Variants in STK3 observed in about 807,000 individuals in gnomAD.
The protein encoded by STK3 is serine/threonine kinase 3.
Under a neutral mutation model 58.0 loss-of-function variants are expected in STK3, and 41 were observed. The ratio of observed to expected loss-of-function variants is 0.71; its 90% confidence interval spans 0.55 to 0.92. The LOEUF is 0.92. Among genes scored for constraint, STK3 ranks in the 40% least tolerant of loss-of-function variants. The pLI is 0.00. For synonymous variants in STK3, 170 were observed against 191.0 expected (o/e 0.89, Z 0.91); for missense variants, 479 against 602.7 (o/e 0.79, Z 2.15).
At chr8:98,426,014 T>C (rs773640851) in intron 3 of STK3, among the ~76,000 whole-genome samples, 27 of 152,052 alleles carry the variant, frequency 1.8e-4, no homozygotes, top group Non-Finnish European at 2.9e-4. Flanking sequence ...CTCAGCCCAG[T>C]AGGCAGGGCC....
intron 6 of STK3, chr8:98,598,207 C>T (rs2130008890): frequency 9.1e-6 from 9 of 985,326 alleles, no homozygotes; most frequent in Non-Finnish European, 1.1e-5. Flanking sequence ...GAAGCCAATG[C>T]TCTCCTTTGA....
intron 2 of STK3, among the ~76,000 whole-genome samples, chr8:98,375,651 T>C (rs1426613992): frequency 6.6e-6 from 1 of 152,192 alleles, no homozygotes; most frequent in Non-Finnish European, 1.5e-5. Context: ...AATGGAATCA[T>C]GTACTATGTA....
chr8:98,415,371 C>T (rs550154799), intron 3 of STK3, among the ~76,000 whole-genome samples: 3 of 152,292 alleles, frequency 2.0e-5, no homozygotes, highest in East Asian at 3.9e-4. Context: ...CATGACTGAG[C>T]CACGATACTT....
At chr8:98,487,358 G>A (rs760280516) in intron 10 of STK3, among the ~76,000 whole-genome samples, 5 of 152,188 alleles carry the variant, frequency 3.3e-5, no homozygotes, top group Admixed American at 1.3e-4. Context: ...CATACAATGT[G>A]CATGCACTTA....
chr8:98,703,611 C>T (rs1298518046), intron 6 of STK3, among the ~76,000 whole-genome samples: 2 of 152,124 alleles, frequency 1.3e-5, no homozygotes, highest in African/African-American at 4.8e-5. Flanking sequence ...TTTCCTTACA[C>T]TCTCTCTTTT....
At position 98,890,909 on chromosome 8, in the gene STK3, G is replaced by T. The variant is rs139845666; in HGVS notation, c.-78-7075C>A. On this transcript the variant is annotated intron_variant, in intron 1 of 1. Transcript: ENST00000519420. ...GCATTGTGTTTGTCCTTGAATTGAA[G>T]AACGATATCATTTTATCGTCCTAGC... Among the ~76,000 whole-genome samples the T allele has an allele frequency of 3.9e-5, 6 of 152,292 alleles. No individual in the cohort carries two copies. The East Asian group carries it at 1.2e-3, about 29-fold the overall frequency.
intron 10 of STK3, among the ~76,000 whole-genome samples, chr8:98,473,086 C>A (rs563605656): frequency 2.6e-5 from 4 of 152,260 alleles, no homozygotes; most frequent in Middle Eastern, 3.4e-3. Flanking sequence ...AGCCTTTACA[C>A]AGCAGATGAA....
chr8:98,490,571 C>T (rs1010197293), intron 10 of STK3, among the ~76,000 whole-genome samples: 1 of 152,190 alleles, frequency 6.6e-6, no homozygotes, highest in Non-Finnish European at 1.5e-5. Flanking sequence ...CCTAACTATA[C>T]TGTAAGTTCC....
chr8:98,697,079 A>G (rs1180361043), intron 6 of STK3, among the ~76,000 whole-genome samples: 7 of 152,024 alleles, frequency 4.6e-5, no homozygotes, highest in South Asian at 2.1e-4. Flanking sequence ...TCCTGGTTTA[A>G]TCTTGGGAGG....
intron 3 of STK3, chr8:98,429,799 G>A (rs779026947): frequency 1.1e-5 from 2 of 187,868 alleles, no homozygotes; most frequent in Admixed American, 5.9e-5. Flanking sequence ...TGTGAGTTCT[G>A]TACAAAAAGC....
intron 3 of STK3, among the ~76,000 whole-genome samples, chr8:98,874,093 C>T (rs901729936): frequency 6.6e-6 from 1 of 152,122 alleles, no homozygotes; most frequent in Non-Finnish European, 1.5e-5. Flanking sequence ...ATTTCTCCTT[C>T]ACTTATGAAG....
intron 3 of STK3, among the ~76,000 whole-genome samples, chr8:98,407,248 T>C (rs1279196897): frequency 2.0e-5 from 3 of 151,962 alleles, no homozygotes; most frequent in African/African-American, 7.3e-5. Flanking sequence ...CGCCCTGGAG[T>C]CCAGCCTGGA....
At chr8:98,383,475 C>A (rs1215413913) in intron 1 of STK3, among the ~76,000 whole-genome samples, 1 of 152,204 alleles carries the variant, frequency 6.6e-6, no homozygotes, top group Non-Finnish European at 1.5e-5. Context: ...CTCCAACCTT[C>A]GAGCTGATTT....
At chr8:98,572,390 T>G (rs1345210744) in intron 8 of STK3, among the ~76,000 whole-genome samples, 2 of 152,166 alleles carry the variant, frequency 1.3e-5, no homozygotes, top group Admixed American at 6.6e-5. Context: ...TTTACTTTTA[T>G]GAAAAAGAGT....
intron 1 of STK3, among the ~76,000 whole-genome samples, chr8:98,386,032 C>T (rs1435707969): frequency 1.3e-5 from 2 of 152,094 alleles, no homozygotes. Context: ...CACCAAAATG[C>T]CATTTTTCAA....
At chr8:98,394,353 C>T (rs920823043) in intron 3 of STK3, among the ~76,000 whole-genome samples, 3 of 151,582 alleles carry the variant, frequency 2.0e-5, no homozygotes, top group South Asian at 2.1e-4. Flanking sequence ...TAAACTCAAA[C>T]GAGAGATTGT....
intron 4 of STK3, among the ~76,000 whole-genome samples, chr8:98,737,030 C>T (rs1335251801): frequency 6.6e-6 from 1 of 152,116 alleles, no homozygotes; most frequent in Non-Finnish European, 1.5e-5. Flanking sequence ...CAACAACATC[C>T]ATCTGGGTCC....
At chr8:98,526,947 A>G in intron 9 of STK3, 30 bp from the exon 10 acceptor site, 2 of 1,457,672 alleles carry the variant, frequency 1.4e-6, no homozygotes, top group Non-Finnish European at 1.8e-6. Flanking sequence ...TAAGGAAGGT[A>G]TAAGTTCTTA....
chr8:98,738,864 T>C (rs1828887143), intron 4 of STK3, among the ~76,000 whole-genome samples: 1 of 152,224 alleles, frequency 6.6e-6, no homozygotes, highest in East Asian at 1.9e-4. Flanking sequence ...AGAGGGCACC[T>C]GGAAAATCGG....
Sources: allele counts gnomAD v4.1 joint callset (sites outside exome capture counted in the v4.1 genomes callset), GRCh38; gene constraint gnomAD v4.1.1; transcripts MANE v1.5; gene names NCBI Gene and HGNC (gene_info 2026-07-23, HGNC 2026-07-21).